The following TMTC1 variants were observed in gnomAD, a reference collection of about 807,000 sequenced individuals.
The protein encoded by TMTC1 is protein O-mannosyl-transferase TMTC1.
TMTC1 carries 73 observed loss-of-function variants against 104.8 expected under a neutral mutation model. That is an observed-to-expected ratio of 0.70 (90% confidence interval 0.58 to 0.85). TMTC1 has a LOEUF of 0.85. TMTC1 is among the 40% of genes least tolerant of loss of function. TMTC1 has a pLI of 0.00. For missense variants in TMTC1, 1,035 were observed against 1,096.1 expected (o/e 0.94, Z 0.79); for synonymous variants, 434 against 428.7 (o/e 1.01, Z -0.15).
At chr12:29,623,980 CTTGTTT>C (rs1047720430) in intron 6 of TMTC1, among the ~76,000 whole-genome samples, 4 of 151,906 alleles carry the variant, frequency 2.6e-5, no homozygotes, top group African/African-American at 7.3e-5. Flanking sequence ...GATTCTCTGT[CTTGTTT>C]TTGTTTTTGT....
intron 5 of TMTC1, among the ~76,000 whole-genome samples, chr12:29,697,310 C>A (rs1941452948): frequency 6.6e-6 from 1 of 152,214 alleles, no homozygotes; most frequent in African/African-American, 2.4e-5. Context: ...GCCTGTCCTG[C>A]TTCTCTTGGT....
chr12:29,784,294 A>T (rs1943908372), upstream of TMTC1: 1 of 152,020 alleles, frequency 6.6e-6, no homozygotes, highest in African/African-American at 2.4e-5. Flanking sequence ...GCAGTCTGGA[A>T]CCCCCACACC....
chr12:29,698,440 A>T (rs769228353), intron 5 of TMTC1, among the ~76,000 whole-genome samples: 5 of 152,166 alleles, frequency 3.3e-5, no homozygotes, highest in Non-Finnish European at 5.9e-5. Context: ...AGTACATTCC[A>T]GGAGGAAATG....
intron 5 of TMTC1, among the ~76,000 whole-genome samples, chr12:29,693,590 A>T (rs569973801): frequency 1.3e-5 from 2 of 151,996 alleles, no homozygotes; most frequent in African/African-American, 2.4e-5. Flanking sequence ...TGTGAGATCA[A>T]TTTTAGCTTC....
At chr12:29,697,748 A>C (rs902929245) in intron 5 of TMTC1, among the ~76,000 whole-genome samples, 1 of 152,128 alleles carries the variant, frequency 6.6e-6, no homozygotes, top group African/African-American at 2.4e-5. Context: ...CAGCCTGGAG[A>C]ATTCTCTCTT....
intron 5 of TMTC1, chr12:29,658,659 G>C (rs1196418012): frequency 4.7e-6 from 1 of 211,740 alleles, no homozygotes; most frequent in East Asian, 1.1e-4. Flanking sequence ...TTTTCGAACA[G>C]GAACCATTCC....
At chr12:29,518,361 G>T (rs1944050202) in intron 13 of TMTC1, 111 bp downstream of exon 13, 1 of 1,314,438 alleles carries the variant, frequency 7.6e-7, no homozygotes, top group Non-Finnish European at 1.0e-6. Flanking sequence ...CACCTGAATT[G>T]GCAAAATTTG....
chr12:29,697,261 T>C (rs966859036), intron 5 of TMTC1, among the ~76,000 whole-genome samples: 2 of 152,364 alleles, frequency 1.3e-5, no homozygotes, highest in Middle Eastern at 3.4e-3. Flanking sequence ...TAGCCCTTGG[T>C]GTAGCACTGT....
intron 11 of TMTC1, among the ~76,000 whole-genome samples, chr12:29,526,674 A>T (rs1462451529): frequency 1.3e-5 from 2 of 152,168 alleles, no homozygotes; most frequent in Non-Finnish European, 2.9e-5. Flanking sequence ...CTCCTTGAAG[A>T]TACGCCATTC....
chr12:29,546,452 A>G (rs948726622), intron 10 of TMTC1, among the ~76,000 whole-genome samples: 1 of 152,142 alleles, frequency 6.6e-6, no homozygotes, highest in Non-Finnish European at 1.5e-5. Flanking sequence ...CAAGAAGGGA[A>G]GGGGCCTTAT....
chr12:29,542,605 G>T (rs964447682), intron 10 of TMTC1, among the ~76,000 whole-genome samples: 1 of 152,070 alleles, frequency 6.6e-6, no homozygotes, highest in African/African-American at 2.4e-5. Context: ...AGGTCTTGGT[G>T]GGGCCCAGGA....
intron 11 of TMTC1, 155 bp from the exon 12 acceptor site, chr12:29,520,875 T>A (rs944555574): frequency 4.9e-6 from 3 of 613,508 alleles, no homozygotes; most frequent in Non-Finnish European, 8.5e-6. Context: ...GAACTTTGTT[T>A]GAATTAAAGG....
chr12:29,543,506 A>T (rs1419319659), intron 10 of TMTC1, among the ~76,000 whole-genome samples: 6 of 152,222 alleles, frequency 3.9e-5, no homozygotes, highest in Admixed American at 1.3e-4. Flanking sequence ...TTTCCCATTA[A>T]CCACAGTGTG....
chr12:29,631,543 C>T (rs1181527241), intron 6 of TMTC1, among the ~76,000 whole-genome samples: 2 of 152,146 alleles, frequency 1.3e-5, no homozygotes. Flanking sequence ...CAGTTGATCC[C>T]ATTAGTGTGG....
chr12:29,510,517 G>T lies in TMTC1; in HGVS notation c.2508+1526C>A, dbSNP rs367640514. ...ACACCCTAGAATATCATTAAGATCAGAGCTTGGGCAATTTGGCTCTGAAAA... is the reference window on the plus strand; with the variant it reads ...ACACCCTAGAATATCATTAAGATCATAGCTTGGGCAATTTGGCTCTGAAAA... On this transcript the variant is annotated intron_variant, in intron 17 of 17. Coordinates refer to ENST00000539277, the MANE Select transcript of TMTC1 (RefSeq NM_001193451.2). 2.6e-5 allele frequency among the ~76,000 whole-genome samples: 4 copies of T among 152,136 alleles called. No individual in the cohort carries two copies. In the East Asian group the frequency reaches 7.7e-4, roughly 29 times the overall value.
rs190598821 is a variant in TMTC1 at position 29,556,920 on chromosome 12, T to C, written c.1613A>G (p.Gln538Arg). ...RDTAEAKMYYQRALQLHPQHN... is the reference protein window; with the variant it reads ...RDTAEAKMYYRRALQLHPQHN... The stretch of plus-strand genomic sequence containing the variant: ...CTGTGGATGGAGCTGGAGAGCCCTC[T>C]GATAGTACATCTTTGCCTCTGCTGT... The change falls in exon 10 of 18, where the codon CAG becomes CGG. Residue 538 changes from glutamine (Q) to arginine (R), a missense_variant. Gln to Arg is a conservative substitution (Grantham distance 43). Transcript: ENST00000539277. The C allele has an allele frequency of 1.2e-4, 191 of 1,614,112 alleles. No homozygotes were observed. In the East Asian group the frequency reaches 3.1e-3, roughly 26 times the overall value.
chr12:29,514,699 C>A, intron 15 of TMTC1, 95 bp from the exon 16 acceptor site: 1 of 1,338,828 alleles, frequency 7.5e-7, no homozygotes, highest in South Asian at 1.4e-5. Flanking sequence ...TCCTATGTGT[C>A]AGCAGGTATG....
chr12:29,729,184 A>C (rs1486587773), intron 5 of TMTC1, among the ~76,000 whole-genome samples: 1 of 151,046 alleles, frequency 6.6e-6, no homozygotes, highest in East Asian at 2.0e-4. Context: ...CATCACAATA[A>C]CCTATCTTAT....
At chr12:29,637,431 G>A (rs1938613897) in intron 5 of TMTC1, among the ~76,000 whole-genome samples, 1 of 152,172 alleles carries the variant, frequency 6.6e-6, no homozygotes, top group South Asian at 2.1e-4. Flanking sequence ...CAGAAGGAAA[G>A]TCACAAGAAT....
Sources: gnomAD v4.1 joint callset for allele counts (sites outside exome capture counted in the v4.1 genomes callset) on GRCh38, gnomAD v4.1.1 for gene constraint, MANE v1.5 for transcripts, NCBI Gene and HGNC (gene_info 2026-07-23, HGNC 2026-07-21) for gene names.